RIOK1: variants seen among roughly 807,000 people sequenced by gnomAD.
RIOK1 encodes RIO kinase 1.
In RIOK1, 66 loss-of-function variants were observed where a neutral mutation model predicts 73.5. That is an observed-to-expected ratio of 0.90 (90% CI 0.74 to 1.10). RIOK1 has a LOEUF of 1.10. Ranked by LOEUF, RIOK1 falls within the 50% of genes least tolerant of loss-of-function variation. RIOK1 has a pLI of 0.00. For missense variants in RIOK1, 658 were observed against 699.8 expected, an observed-to-expected ratio of 0.94 and a Z score of 0.67; for synonymous variants, 224 against 226.8, an observed-to-expected ratio of 0.99 and a Z score of 0.11.
At chr6:7,404,279 C>T in intron 9 of RIOK1, 139 bp from the exon 10 acceptor site, 2 of 1,016,096 alleles carry the variant, frequency 2.0e-6, no homozygotes, top group Non-Finnish European at 2.9e-6. Context: ...CCGGTACCTT[C>T]TTGGTTTATG....
intron 12 of RIOK1, among the ~76,000 whole-genome samples, chr6:7,406,211 A>G (rs1168411492): frequency 6.6e-6 from 1 of 151,990 alleles, no homozygotes; most frequent in African/African-American, 2.4e-5. Flanking sequence ...TGCCCAGGCT[A>G]GTCTTGAAAT....
rs1761777985 is a variant in RIOK1 at position 7,407,517 on chromosome 6, C to T, written c.1203+2162C>T. Among the ~76,000 whole-genome samples the T allele has an allele frequency of 2.0e-5, 3 of 149,318 alleles. No individual in the cohort carries two copies. In the South Asian group the frequency reaches 6.3e-4, roughly 31 times the overall value. On this transcript the variant is annotated intron_variant, in intron 12 of 16. Coordinates refer to ENST00000379834, the MANE Select transcript of RIOK1 (RefSeq NM_031480.3). ...TTTTTTTTTTTAAGAGACAGGGTCT[C>T]TCTGTTACCCAGTCTGAAGTACAGT...
Position 7,409,919 on chromosome 6 carries a change from C to T in RIOK1, c.1204-467C>T, listed in dbSNP as rs531098967. Among the ~76,000 whole-genome samples the T allele has an allele frequency of 9.2e-5, 14 of 151,952 alleles. No individual in the cohort carries two copies. In the East Asian group the frequency reaches 2.7e-3, roughly 29 times the overall value. On this transcript the variant is annotated intron_variant, in intron 12 of 16. Transcript: ENST00000379834. ...GAATCTTTGTCACCCTCGTTTCAGT[C>T]ATTGTTTGCTCAGAGAGCTTTCTTC...
At chr6:7,397,217 T>C (rs954902862) in intron 4 of RIOK1, among the ~76,000 whole-genome samples, 2 of 152,140 alleles carry the variant, frequency 1.3e-5, no homozygotes, top group Non-Finnish European at 2.9e-5. Context: ...TGAGCCAAGA[T>C]CGTGCCACTG....
At position 7,410,463 on chromosome 6, in the gene RIOK1, TA is replaced by T; in HGVS notation, c.1269+13del. On this transcript the variant is annotated intron_variant, in intron 13 of 16. Coordinates refer to ENST00000379834, the MANE Select transcript of RIOK1 (RefSeq NM_031480.3). Reference sequence around the variant, plus strand: ...ATGTGGATGAAGAGGTAGGATTTATTATCTATTCACAGCCTTTGGAAACACT... The same window carrying T: ...ATGTGGATGAAGAGGTAGGATTTATTTCTATTCACAGCCTTTGGAAACACT... The T allele has an allele frequency of 6.3e-7, 1 of 1,596,078 alleles. No individual in the cohort carries two copies. Among genetic ancestry groups the T allele is most frequent in the Non-Finnish European group, 8.6e-7 (1 of 1,164,386 alleles).
intron 12 of RIOK1, among the ~76,000 whole-genome samples, chr6:7,409,837 CCT>C (rs1761844763): frequency 6.7e-6 from 1 of 149,198 alleles, no homozygotes; most frequent in Non-Finnish European, 1.5e-5. Flanking sequence ...ACTATTTTTT[CCT>C]TTCTTCTATA....
rs1761924851 is a variant in RIOK1, at chr6:7,413,043, C to T, written c.1443+101C>T. The T allele has an allele frequency of 1.1e-5, 6 of 566,614 alleles. No individual in the cohort carries two copies. The East Asian group carries it at 1.4e-4, about 14-fold the overall frequency. 35.1% of individuals were successfully genotyped at this position (566,614 alleles called of 1,614,324 possible). A position where few individuals can be genotyped will look rare whatever the true frequency, so the allele number is the denominator to read the frequency against. On this transcript the variant is annotated intron_variant, in intron 15 of 16. Coordinates refer to ENST00000379834, the MANE Select transcript of RIOK1 (RefSeq NM_031480.3). ...TTATTATTATTTAATATTATTAGAA[C>T]TAAATGTTATTTTATATTGTTAAAA...
chr6:7,407,376 T>C (rs543619949), intron 12 of RIOK1, among the ~76,000 whole-genome samples: 1 of 152,160 alleles, frequency 6.6e-6, no homozygotes, highest in Non-Finnish European at 1.5e-5. Flanking sequence ...CCCTAATGAG[T>C]GTGAGGTGTA....
intron 13 of RIOK1, among the ~76,000 whole-genome samples, 192 bp from the exon 14 acceptor site, chr6:7,411,140 A>G (rs1009001966): frequency 7.9e-5 from 12 of 152,062 alleles, no homozygotes; most frequent in African/African-American, 2.2e-4. Flanking sequence ...TTAGTGTTCT[A>G]TCATTAGTAG....
intron 12 of RIOK1, among the ~76,000 whole-genome samples, chr6:7,409,498 C>T (rs941892100): frequency 1.2e-4 from 18 of 151,758 alleles, no homozygotes; most frequent in South Asian, 6.2e-4. Flanking sequence ...ATGATCCAGC[C>T]GCCTCAGCCT....
At chr6:7,406,792 C>T (rs943797905) in intron 12 of RIOK1, among the ~76,000 whole-genome samples, 2 of 152,144 alleles carry the variant, frequency 1.3e-5, no homozygotes, top group African/African-American at 4.8e-5. Flanking sequence ...CCCTGAGTAG[C>T]TGGGACTACA....
At chr6:7,401,720 C>A (rs1328280703) in intron 6 of RIOK1, among the ~76,000 whole-genome samples, 17 of 146,390 alleles carry the variant, frequency 1.2e-4, no homozygotes, top group African/African-American at 7.6e-5. Context: ...AGACAGTCTC[C>A]CAGGCTAGAG....
chr6:7,396,892 G>GGTGTGTGTGTGTGTGTGTGTGTGTGT (rs150425917), intron 4 of RIOK1, 120 bp downstream of exon 4: 8 of 416,562 alleles, frequency 1.9e-5, no homozygotes, highest in African/African-American at 6.1e-5. Flanking sequence ...TCATTATTTT[G>GGTGTGTGTGTGTGTGTGTGTGTGTGT]GTGTGTGTGT....
intron 2 of RIOK1, among the ~76,000 whole-genome samples, chr6:7,394,159 C>T (rs548827313): frequency 1.3e-4 from 20 of 152,244 alleles, no homozygotes; most frequent in Non-Finnish European, 2.5e-4. Flanking sequence ...ATCGGCTGGG[C>T]GCAGTGGCTC....
intron 3 of RIOK1, among the ~76,000 whole-genome samples, chr6:7,396,477 A>G (rs191337215): frequency 3.7e-4 from 57 of 152,338 alleles, no homozygotes; most frequent in African/African-American, 1.3e-3. Context: ...TGTGGCTCAA[A>G]TATTATAGCT....
intron 5 of RIOK1, among the ~76,000 whole-genome samples, chr6:7,400,294 T>C (rs1761577734): frequency 1.3e-5 from 2 of 152,166 alleles, no homozygotes; most frequent in Admixed American, 1.3e-4. Flanking sequence ...AGCAATCATT[T>C]AAAAGTGTAA....
At position 7,404,441 on chromosome 6, in the gene RIOK1, T is replaced by G. The variant is rs373794851; in HGVS notation, c.878T>G (p.Val293Gly). 3.1e-6 allele frequency: 5 copies of G among 1,614,004 alleles called. No individual in the cohort carries two copies. The highest frequency in any genetic ancestry group is 4.2e-6 in the Non-Finnish European group (5 of 1,180,014). ...DDMPAPLLKN[V>G]QLSESKAREL... ...AGGCCTGCACCACTCTTGAAAAATG[T>G]CCAGTTATCAGAATCCAAGGCTCGG... is the stretch of plus-strand genomic sequence containing the variant. The change falls in exon 10 of 17, where the codon GTC becomes GGC. Residue 293 changes from valine to glycine, a missense_variant. By Grantham distance (109) the Val-to-Gly change is moderately radical. Coordinates refer to ENST00000379834, the MANE Select transcript of RIOK1 (RefSeq NM_031480.3).
chr6:7,400,855 C>T (rs1761594003), intron 5 of RIOK1, 103 bp from the exon 6 acceptor site: 20 of 664,396 alleles, frequency 3.0e-5, no homozygotes, highest in Non-Finnish European at 1.9e-5. Flanking sequence ...ACCAGGATAG[C>T]GTCGTACAGT....
At chr6:7,400,603 A>T (rs1257564026) in intron 5 of RIOK1, among the ~76,000 whole-genome samples, 1 of 152,184 alleles carries the variant, frequency 6.6e-6, no homozygotes, top group East Asian at 1.9e-4. Flanking sequence ...ATTTCACCTG[A>T]TTCTGTTTAC....
Sources: gnomAD v4.1 joint callset for allele counts (sites outside exome capture counted in the v4.1 genomes callset) on GRCh38, gnomAD v4.1.1 for gene constraint, MANE v1.5 for transcripts, NCBI Gene and HGNC (gene_info 2026-07-23, HGNC 2026-07-21) for gene names.